The following GRIP1 variants were observed in gnomAD, a reference collection of about 807,000 sequenced individuals.
GRIP1 encodes the protein glutamate receptor interacting protein 1.
GRIP1 carries 45 observed loss-of-function variants against 129.9 expected under a neutral mutation model. That is an observed-to-expected ratio of 0.35 (90% CI 0.27 to 0.44). The LOEUF (loss-of-function observed/expected upper bound fraction) is 0.44, where lower values mean the gene tolerates loss of function less well. Ranked by LOEUF, GRIP1 falls within the 20% of genes least tolerant of loss-of-function variation. The probability of loss-of-function intolerance (pLI) is 1.00; values close to 1 mark genes in which losing one functional copy is unlikely to be tolerated. For missense variants in GRIP1, 1,196 were observed against 1,396.8 expected (o/e 0.86, Z 2.29); for synonymous variants, 530 against 520.8 (o/e 1.02, Z -0.24).
At chr12:66,486,718 C>T (rs1449644691) in intron 7 of GRIP1, among the ~76,000 whole-genome samples, 3 of 152,124 alleles carry the variant, frequency 2.0e-5, no homozygotes, top group Non-Finnish European at 4.4e-5. Context: ...GTAAATTGCC[C>T]AGTCTTGGGT....
intron 1 of GRIP1, among the ~76,000 whole-genome samples, chr12:67,016,781 T>C (rs1172971749): frequency 6.6e-6 from 1 of 152,168 alleles, no homozygotes; most frequent in African/African-American, 2.4e-5. Flanking sequence ...TATTTCAAAA[T>C]GTTTGTGCAT....
At chr12:66,866,283 G>A (rs2040203232) in intron 1 of GRIP1, among the ~76,000 whole-genome samples, 1 of 152,038 alleles carries the variant, frequency 6.6e-6, no homozygotes, top group Non-Finnish European at 1.5e-5. Context: ...AGGCTGGGTG[G>A]CATAGTGACA....
intron 9 of GRIP1, among the ~76,000 whole-genome samples, chr12:66,458,748 A>G (rs926243495): frequency 1.3e-5 from 2 of 152,212 alleles, no homozygotes; most frequent in African/African-American, 4.8e-5. Flanking sequence ...AGTTTCATCC[A>G]TATCACTCTA....
At chr12:66,564,755 T>C (rs1486994549) in intron 2 of GRIP1, among the ~76,000 whole-genome samples, 1 of 152,164 alleles carries the variant, frequency 6.6e-6, no homozygotes, top group African/African-American at 2.4e-5. Flanking sequence ...AGTGTAAAAG[T>C]GTTCCTATTT....
intron 1 of GRIP1, among the ~76,000 whole-genome samples, chr12:66,811,665 T>C (rs1286731894): frequency 2.0e-5 from 3 of 152,054 alleles, no homozygotes; most frequent in Non-Finnish European, 2.9e-5. Context: ...CCCTTCTTTC[T>C]CCTTGCCAAC....
intron 1 of GRIP1, among the ~76,000 whole-genome samples, chr12:66,746,835 T>C (rs2036963326): frequency 6.6e-6 from 1 of 152,230 alleles, no homozygotes; most frequent in Non-Finnish European, 1.5e-5. Context: ...GATTTCTAAT[T>C]GACAGTTTAC....
chr12:66,842,315 A>C (rs1251668489), intron 1 of GRIP1, among the ~76,000 whole-genome samples: 1 of 152,034 alleles, frequency 6.6e-6, no homozygotes, highest in African/African-American at 2.4e-5. Context: ...TATAGAATAA[A>C]TGTTACCAAT....
rs142031699 is a variant in GRIP1 at position 66,712,981 on chromosome 12, T to C, written c.-419-82645A>G. On this transcript the variant is annotated intron_variant, in intron 1 of 4. Transcript: ENST00000538373. ...ATGATTAAGTCTAGAACAAATGGTG[T>C]CTAAAGCATGATGAGTGAACATGAC... 3.2e-4 allele frequency among the ~76,000 whole-genome samples: 49 copies of C among 152,122 alleles called. No homozygotes were observed. The East Asian group carries it at 8.2e-3, about 25-fold the overall frequency.
intron 1 of GRIP1, among the ~76,000 whole-genome samples, chr12:67,057,448 A>C (rs1273736135): frequency 6.6e-6 from 1 of 151,942 alleles, no homozygotes; most frequent in Non-Finnish European, 1.5e-5. Context: ...AAAAAAAAAA[A>C]AAAAAAACTC....
chr12:66,707,145 A>T (rs899597112), intron 1 of GRIP1, among the ~76,000 whole-genome samples: 1 of 151,772 alleles, frequency 6.6e-6, no homozygotes, highest in Non-Finnish European at 1.5e-5. Context: ...CCCATGCATA[A>T]AGCTGTCCAT....
chr12:66,710,473 A>C (rs2035678011), intron 1 of GRIP1, among the ~76,000 whole-genome samples: 1 of 151,930 alleles, frequency 6.6e-6, no homozygotes, highest in Non-Finnish European at 1.5e-5. Flanking sequence ...GAGGTAAGTT[A>C]ATATTTATTT....
intron 11 of GRIP1, among the ~76,000 whole-genome samples, chr12:66,449,547 T>C (rs1468107094): frequency 6.6e-6 from 1 of 152,214 alleles, no homozygotes; most frequent in East Asian, 1.9e-4. Flanking sequence ...CCTCCAACCC[T>C]ACGCTTCTTA....
chr12:66,586,082 C>G (rs1199224070), intron 2 of GRIP1, among the ~76,000 whole-genome samples: 1 of 152,194 alleles, frequency 6.6e-6, no homozygotes, highest in Non-Finnish European at 1.5e-5. Context: ...TCTGGCCACT[C>G]TCCCATTTTT....
At chr12:66,708,892 G>T (rs937485171) in intron 1 of GRIP1, among the ~76,000 whole-genome samples, 1 of 149,954 alleles carries the variant, frequency 6.7e-6, no homozygotes, top group Non-Finnish European at 1.5e-5. Flanking sequence ...GATATTTTTT[G>T]AAAAAAAAAT....
At chr12:66,554,651 AG>A (rs1157025947) in intron 2 of GRIP1, among the ~76,000 whole-genome samples, 1 of 152,060 alleles carries the variant, frequency 6.6e-6, no homozygotes. Context: ...TTTGGGCTAG[AG>A]GGGGGCCCAC....
chr12:67,046,868 G>A (rs1216594549), intron 1 of GRIP1, among the ~76,000 whole-genome samples: 8 of 151,936 alleles, frequency 5.3e-5, no homozygotes, highest in African/African-American at 1.9e-4. Flanking sequence ...GAGGAAAACG[G>A]AAAAAAGCAC....
intron 1 of GRIP1, among the ~76,000 whole-genome samples, chr12:66,644,102 C>G (rs2032163980): frequency 6.6e-6 from 1 of 152,074 alleles, no homozygotes; most frequent in Non-Finnish European, 1.5e-5. Context: ...CTGATAAACC[C>G]ATCAGATCTT....
At chr12:66,739,547 G>A (rs1246788604) in intron 1 of GRIP1, among the ~76,000 whole-genome samples, 1 of 152,076 alleles carries the variant, frequency 6.6e-6, no homozygotes, top group Non-Finnish European at 1.5e-5. Flanking sequence ...TTCCCTTAGT[G>A]AGGGGAGCAT....
chr12:66,995,444 A>G (rs924986243), intron 1 of GRIP1, among the ~76,000 whole-genome samples: 4 of 152,152 alleles, frequency 2.6e-5, no homozygotes, highest in African/African-American at 2.4e-5. Flanking sequence ...TGAAAACCAT[A>G]TATCTGATAT....
Sources: allele counts gnomAD v4.1 joint callset (sites outside exome capture counted in the v4.1 genomes callset), GRCh38; gene constraint gnomAD v4.1.1; transcripts MANE v1.5; gene names NCBI Gene and HGNC (gene_info 2026-07-23, HGNC 2026-07-21).